Variants in RPTOR observed in about 807,000 individuals in gnomAD.
The protein encoded by RPTOR is regulatory associated protein of MTOR complex 1.
Under a neutral mutation model 169.9 loss-of-function variants are expected in RPTOR, and 21 were observed. That is an observed-to-expected ratio of 0.12 (90% CI 0.09 to 0.18). RPTOR has a LOEUF of 0.18. Among genes scored for constraint, RPTOR ranks in the 10% least tolerant of loss-of-function variants. RPTOR has a pLI of 1.00. For missense variants in RPTOR, 1,133 were observed against 1,855.9 expected, an observed-to-expected ratio of 0.61 and a Z score of 7.16; for synonymous variants, 732 against 753.2, an observed-to-expected ratio of 0.97 and a Z score of 0.46.
At chr17:80,769,776 C>T (rs1422624766) in intron 6 of RPTOR, among the ~76,000 whole-genome samples, 2 of 152,212 alleles carry the variant, frequency 1.3e-5, no homozygotes, top group African/African-American at 2.4e-5. Context: ...GAGGCCTGAA[C>T]GCATCTCGAC....
chr17:80,875,169 T>C (rs1309454461), intron 13 of RPTOR, among the ~76,000 whole-genome samples: 2 of 152,200 alleles, frequency 1.3e-5, no homozygotes, highest in African/African-American at 4.8e-5. Context: ...GGAGGGTCTC[T>C]TCCCATGGCA....
At chr17:80,682,134 C>T (rs532203112) in intron 3 of RPTOR, among the ~76,000 whole-genome samples, 7 of 131,446 alleles carry the variant, frequency 5.3e-5, no homozygotes, top group East Asian at 2.8e-4. Context: ...AACAAAGTCT[C>T]GCTCTGTCAT....
intron 1 of RPTOR, among the ~76,000 whole-genome samples, chr17:80,600,060 C>T (rs2065174159): frequency 1.3e-5 from 2 of 152,128 alleles, no homozygotes; most frequent in South Asian, 2.1e-4. Context: ...CTGTGAGCTC[C>T]GTTCCTAAGG....
chr17:80,902,279 A>G (rs1404360065), intron 20 of RPTOR, among the ~76,000 whole-genome samples: 1 of 152,148 alleles, frequency 6.6e-6, no homozygotes, highest in Non-Finnish European at 1.5e-5. Context: ...TAGAGGCCAA[A>G]CCATTGTCTG....
rs989648042 is a variant in RPTOR at position 80,552,046 on chromosome 17, G to A, written c.162+6255G>A. 3.3e-5 allele frequency among the ~76,000 whole-genome samples: 5 copies of A among 152,324 alleles called. No individual in the cohort carries two copies. The South Asian group carries it at 1.0e-3, about 32-fold the overall frequency. On this transcript the variant is annotated intron_variant, in intron 1 of 33. Coordinates refer to ENST00000306801, the MANE Select transcript of RPTOR (RefSeq NM_020761.3). ...TGTTTCAGAGAGCACGGGGTTGGGGGTAAGGTCATAGATTAACAGAATCTC... is the reference window on the plus strand; with the variant it reads ...TGTTTCAGAGAGCACGGGGTTGGGGATAAGGTCATAGATTAACAGAATCTC...
intron 1 of RPTOR, among the ~76,000 whole-genome samples, chr17:80,563,958 C>T (rs768457574): frequency 1.6e-4 from 25 of 152,226 alleles, no homozygotes; most frequent in African/African-American, 5.5e-4. Flanking sequence ...TAGCCATGCT[C>T]ATTCACCCCC....
At chr17:80,620,838 G>A (rs777814377) in intron 1 of RPTOR, among the ~76,000 whole-genome samples, 17 of 152,204 alleles carry the variant, frequency 1.1e-4, no homozygotes, top group Non-Finnish European at 2.1e-4. Flanking sequence ...GGAGCAAGAC[G>A]TATTTTTTTT....
chr17:80,706,174 T>C (rs1287195621), intron 3 of RPTOR, among the ~76,000 whole-genome samples: 1 of 152,184 alleles, frequency 6.6e-6, no homozygotes, highest in Non-Finnish European at 1.5e-5. Flanking sequence ...TCTAGTGGCA[T>C]ATGTTGGTGC....
chr17:80,670,441 C>T (rs903140606), intron 3 of RPTOR, among the ~76,000 whole-genome samples: 7 of 152,162 alleles, frequency 4.6e-5, no homozygotes, highest in South Asian at 2.1e-4. Flanking sequence ...TTTAACCATC[C>T]GGAGCGTTGC....
At chr17:80,608,443 A>G (rs976840431) in intron 1 of RPTOR, among the ~76,000 whole-genome samples, 3 of 152,196 alleles carry the variant, frequency 2.0e-5, no homozygotes, top group African/African-American at 7.2e-5. Context: ...CTAACAATGT[A>G]TACTCTAATC....
At chr17:80,618,523 C>G (rs555889390) in intron 1 of RPTOR, among the ~76,000 whole-genome samples, 1 of 152,196 alleles carries the variant, frequency 6.6e-6, no homozygotes, top group Admixed American at 6.5e-5. Context: ...GTAGCACTCA[C>G]GTGTGCGAAG....
intron 11 of RPTOR, among the ~76,000 whole-genome samples, chr17:80,853,707 G>T (rs556431212): frequency 6.6e-6 from 1 of 152,204 alleles, no homozygotes; most frequent in Non-Finnish European, 1.5e-5. Context: ...GGCCGGGCAC[G>T]GTGGCTCACG....
intron 1 of RPTOR, among the ~76,000 whole-genome samples, chr17:80,588,950 G>A (rs2065083554): frequency 6.6e-6 from 1 of 152,140 alleles, no homozygotes; most frequent in Non-Finnish European, 1.5e-5. Context: ...TGTGTTTTAT[G>A]CTTGTGTTGA....
At chr17:80,854,746 T>C (rs537254364) in intron 11 of RPTOR, among the ~76,000 whole-genome samples, 1 of 152,096 alleles carries the variant, frequency 6.6e-6, no homozygotes, top group East Asian at 1.9e-4. Flanking sequence ...ATACAAAAAT[T>C]AACCAGGCAT....
chr17:80,728,153 G>T (rs1450023769), intron 4 of RPTOR, among the ~76,000 whole-genome samples: 4 of 152,142 alleles, frequency 2.6e-5, no homozygotes, highest in Non-Finnish European at 5.9e-5. Flanking sequence ...TCTGTGAATT[G>T]CCTGTTTGTA....
intron 6 of RPTOR, among the ~76,000 whole-genome samples, chr17:80,773,333 A>G (rs927992330): frequency 4.7e-4 from 72 of 152,242 alleles, no homozygotes; most frequent in Non-Finnish European, 3.5e-4. Flanking sequence ...TTGCAGCTAC[A>G]TCACACTCTG....
intron 21 of RPTOR, among the ~76,000 whole-genome samples, chr17:80,912,042 T>C (rs2068619262): frequency 6.6e-6 from 1 of 152,222 alleles, no homozygotes; most frequent in East Asian, 1.9e-4. Context: ...AATCAGTTCT[T>C]ACCACTTACC....
At chr17:80,813,944 G>A (rs746199793) in intron 7 of RPTOR, among the ~76,000 whole-genome samples, 1 of 152,116 alleles carries the variant, frequency 6.6e-6, no homozygotes, top group Non-Finnish European at 1.5e-5. Flanking sequence ...GACCAGCCTG[G>A]GCAACATGGT....
At chr17:80,905,415 C>G (rs2068528114) in intron 20 of RPTOR, among the ~76,000 whole-genome samples, 1 of 145,174 alleles carries the variant, frequency 6.9e-6, no homozygotes, top group African/African-American at 2.5e-5. Flanking sequence ...TGAAACCCGT[C>G]TCTACTAAAA....
Sources: allele counts gnomAD v4.1 joint callset (sites outside exome capture counted in the v4.1 genomes callset), GRCh38; gene constraint gnomAD v4.1.1; transcripts MANE v1.5; gene names NCBI Gene and HGNC (gene_info 2026-07-23, HGNC 2026-07-21).